The following NALCN variants were observed in gnomAD, a reference collection of about 807,000 sequenced individuals.
NALCN encodes the protein sodium leak channel NALCN.
In NALCN, 111 loss-of-function variants were observed where a neutral mutation model predicts 225.3. That is an observed-to-expected ratio of 0.49 (90% CI 0.42 to 0.58). The LOEUF (loss-of-function observed/expected upper bound fraction) is 0.58. Among genes scored for constraint, NALCN ranks in the 20% least tolerant of loss-of-function variants. NALCN has a pLI of 0.00. For missense variants in NALCN, 1,378 were observed against 2,202.4 expected, an observed-to-expected ratio of 0.63 and a Z score of 7.49; for synonymous variants, 764 against 769.0, an observed-to-expected ratio of 0.99 and a Z score of 0.11.
intron 7 of NALCN, among the ~76,000 whole-genome samples, chr13:101,302,540 C>T (rs1457661007): frequency 6.6e-6 from 1 of 152,006 alleles, no homozygotes; most frequent in Non-Finnish European, 1.5e-5. Flanking sequence ...ACAAATAACA[C>T]ATGGAATTAA....
intron 10 of NALCN, among the ~76,000 whole-genome samples, chr13:101,260,376 G>C (rs1400111970): frequency 6.6e-6 from 1 of 152,112 alleles, no homozygotes; most frequent in African/African-American, 2.4e-5. Context: ...CCTTTCTTTT[G>C]GGTATATGCC....
intron 17 of NALCN, among the ~76,000 whole-genome samples, chr13:101,127,978 C>G (rs548851626): frequency 6.6e-6 from 1 of 152,212 alleles, no homozygotes; most frequent in South Asian, 2.1e-4. Flanking sequence ...TGACAATCAC[C>G]TGAAATAATT....
chr13:101,150,246 G>C (rs190282165), intron 15 of NALCN, among the ~76,000 whole-genome samples: 10 of 152,164 alleles, frequency 6.6e-5, no homozygotes, highest in Non-Finnish European at 1.5e-4. Flanking sequence ...CGTCCTGGGT[G>C]GGGGTGGCGG....
intron 7 of NALCN, among the ~76,000 whole-genome samples, chr13:101,297,360 A>G (rs1250487008): frequency 6.6e-6 from 1 of 152,208 alleles, no homozygotes; most frequent in African/African-American, 2.4e-5. Context: ...ATGAGTCAGT[A>G]CCCAAGGGCT....
intron 14 of NALCN, among the ~76,000 whole-genome samples, chr13:101,179,609 C>G (rs2039108062): frequency 6.6e-6 from 1 of 152,098 alleles, no homozygotes; most frequent in Non-Finnish European, 1.5e-5. Flanking sequence ...GGTAATATGT[C>G]CTCCATCCCC....
At chr13:101,345,978 C>T (rs901099515) in intron 6 of NALCN, among the ~76,000 whole-genome samples, 2 of 145,580 alleles carry the variant, frequency 1.4e-5, no homozygotes, top group Non-Finnish European at 1.5e-5. Flanking sequence ...ATATACGTGA[C>T]GTGTCTGTCT....
intron 7 of NALCN, among the ~76,000 whole-genome samples, chr13:101,340,212 G>A (rs757533421): frequency 2.6e-5 from 4 of 151,418 alleles, no homozygotes; most frequent in Non-Finnish European, 5.9e-5. Flanking sequence ...AGTTTGCAGT[G>A]AGCCAAAATT....
rs112122394 is a variant in NALCN at position 101,104,824 on chromosome 13, G to A, written c.2636+70C>T. On this transcript the variant is annotated intron_variant, in intron 23 of 43. Transcript: ENST00000251127. The surrounding 1 kb of genome is among the most constrained non-coding windows in gnomAD (Gnocchi z 4.2). ...AAGAAAATAAAAGAGAATTTTAATC[G>A]TTGTATGCAGCATAAAATAGTACAT... is the stretch of plus-strand genomic sequence containing the variant. 228 of 1,571,338 alleles carry A rather than the reference G, an allele frequency of 1.5e-4. No individual in the cohort carries two copies. The highest frequency in any genetic ancestry group is 9.1e-4 in the South Asian group (82 of 89,850).
chr13:101,123,284 C>T (rs1319497077), intron 18 of NALCN, among the ~76,000 whole-genome samples: 1 of 152,200 alleles, frequency 6.6e-6, no homozygotes, highest in African/African-American at 2.4e-5. Context: ...ATACTCGATG[C>T]AGACTGAGAA....
intron 18 of NALCN, among the ~76,000 whole-genome samples, chr13:101,121,186 AT>A (rs2035956098): frequency 6.6e-6 from 1 of 152,094 alleles, no homozygotes; most frequent in Non-Finnish European, 1.5e-5. Context: ...CAAGTCCAGT[AT>A]CCTACATTAG....
intron 13 of NALCN, among the ~76,000 whole-genome samples, chr13:101,197,300 C>T (rs773226342): frequency 3.6e-4 from 55 of 152,062 alleles, no homozygotes; most frequent in Admixed American, 6.6e-4. Context: ...TCTCCTCCTC[C>T]GCGACCCTTT....
intron 17 of NALCN, among the ~76,000 whole-genome samples, chr13:101,139,778 G>A (rs887515057): frequency 3.3e-5 from 5 of 152,088 alleles, no homozygotes; most frequent in Non-Finnish European, 5.9e-5. Flanking sequence ...GTGTTTATGC[G>A]CTCTTGTTTT....
chr13:101,342,107 A>G (rs75672616), intron 7 of NALCN, among the ~76,000 whole-genome samples: 1,691 of 152,136 alleles, frequency 0.011, 30 homozygotes, highest in African/African-American at 0.038. Flanking sequence ...AACAACCAAA[A>G]TGGATCAAGA....
intron 18 of NALCN, among the ~76,000 whole-genome samples, chr13:101,113,545 A>G (rs377184613): frequency 3.9e-5 from 6 of 152,216 alleles, no homozygotes; most frequent in Non-Finnish European, 4.4e-5. Flanking sequence ...CTCTAATCCA[A>G]TGTGCCCAGG....
chr13:101,395,288 C>T lies in NALCN; in HGVS notation c.186G>A (p.Glu62=), dbSNP rs767856326. Residue 62 remains glutamate (E), a synonymous_variant, in exon 3 of 44, where the codon GAG becomes GAA. Coordinates refer to ENST00000251127, the MANE Select transcript of NALCN (RefSeq NM_052867.4). ...TCACATACTGAAGTGGAGGATAGTG[C>T]TCGAAGGTCATTGGCGTATTCATAC... The part of the protein sequence containing the change: ...SVCMNTPMTF[E]HYPPLQYVTF... 9.3e-6 allele frequency: 15 copies of T among 1,613,918 alleles called. No homozygotes were observed. The Admixed American group carries it at 1.7e-4, about 18-fold the overall frequency.
chr13:101,232,590 C>T (rs1174606051), intron 12 of NALCN, among the ~76,000 whole-genome samples: 2 of 151,796 alleles, frequency 1.3e-5, no homozygotes, highest in Non-Finnish European at 2.9e-5. Context: ...GGACTACAGG[C>T]GCCCACCACC....
intron 7 of NALCN, among the ~76,000 whole-genome samples, chr13:101,339,811 T>C (rs2045497899): frequency 6.6e-6 from 1 of 152,024 alleles, no homozygotes; most frequent in Non-Finnish European, 1.5e-5. Flanking sequence ...TCTAGAGAGA[T>C]TGGTACAAGC....
intron 1 of NALCN, among the ~76,000 whole-genome samples, chr13:101,404,303 G>A (rs59825053): frequency 0.04 from 6,120 of 152,270 alleles, 230 homozygotes; most frequent in East Asian, 0.12. Context: ...AAATCCAGGA[G>A]AGCTGACTGG....
intron 15 of NALCN, among the ~76,000 whole-genome samples, chr13:101,145,405 C>T (rs2139798995): frequency 6.6e-6 from 1 of 152,266 alleles, no homozygotes; most frequent in African/African-American, 2.4e-5. Flanking sequence ...AAGCTCAAAA[C>T]ACAAATACCA....
Sources: gnomAD v4.1 joint callset for allele counts (sites outside exome capture counted in the v4.1 genomes callset) on GRCh38, gnomAD v4.1.1 for gene constraint, Gnocchi (gnomAD v3.1) non-coding constraint, MANE v1.5 for transcripts, NCBI Gene and HGNC (gene_info 2026-07-23, HGNC 2026-07-21) for gene names.